Variants in PPM1L observed in about 807,000 individuals in gnomAD.
PPM1L encodes the protein protein phosphatase 1L.
In PPM1L, 13 loss-of-function variants were observed where a neutral mutation model predicts 31.4. The observed-to-expected ratio is 0.41, with a 90% CI of 0.27 to 0.66. The LOEUF (loss-of-function observed/expected upper bound fraction) is 0.66. Among genes scored for constraint, PPM1L ranks in the 30% least tolerant of loss-of-function variants. The pLI is 0.29. For missense variants in PPM1L, 326 were observed against 453.7 expected (o/e 0.72, Z 2.56); for synonymous variants, 184 against 175.4 (o/e 1.05, Z -0.39).
At chr3:160,935,708 C>T (rs1232223381) in intron 1 of PPM1L, among the ~76,000 whole-genome samples, 1 of 152,220 alleles carries the variant, frequency 6.6e-6, no homozygotes, top group Admixed American at 6.5e-5. Context: ...TTCATTGAGT[C>T]AGCTAGGTCA....
chr3:160,781,700 T>A (rs1711752325), intron 1 of PPM1L, among the ~76,000 whole-genome samples: 1 of 152,188 alleles, frequency 6.6e-6, no homozygotes, highest in Non-Finnish European at 1.5e-5. Flanking sequence ...TTTACCCTGC[T>A]TTTGTCTGCG....
At position 161,078,338 on chromosome 3, in the gene PPM1L, T is replaced by C. The variant is rs2108121834; in HGVS notation, c.*9181T>C. On this transcript the variant is annotated 3_prime_UTR_variant, in exon 4 of 4. Transcript: ENST00000498165. ...TGTATAAGCTTTTATTTATACCTAT[T>C]TCAACATCATGAAAATTTTTCCATC... 1 of 152,338 alleles carries C rather than the reference T, an allele frequency of 6.6e-6. No homozygotes were observed. Among genetic ancestry groups the C allele is most frequent in the Non-Finnish European group, 1.5e-5 (1 of 68,036 alleles). 9.4% of individuals were successfully genotyped at this position (152,338 alleles called of 1,614,324 possible).
At chr3:161,014,999 A>G (rs1459116595) in intron 2 of PPM1L, among the ~76,000 whole-genome samples, 1 of 151,962 alleles carries the variant, frequency 6.6e-6, no homozygotes, top group African/African-American at 2.4e-5. Flanking sequence ...AATCTTTGCT[A>G]TTAAATGGGA....
At chr3:160,877,596 G>A (rs1408680992) in intron 1 of PPM1L, among the ~76,000 whole-genome samples, 1 of 152,164 alleles carries the variant, frequency 6.6e-6, no homozygotes, top group Non-Finnish European at 1.5e-5. Context: ...AGGAGCATAG[G>A]TTTAATAGGC....
Position 160,950,228 on chromosome 3 carries a change from C to T in PPM1L, c.400-11508C>T, listed in dbSNP as rs190773344. Among the ~76,000 whole-genome samples the T allele has an allele frequency of 2.7e-3, 404 of 152,248 alleles. 1 individual carries two copies. The highest frequency in any genetic ancestry group is 8.4e-3 in the African/African-American group (347 of 41,548). ...TGTAGGTAAAAATCTGATCAACTTG[C>T]TCACACTAAGACTGAATATTTACTT... is the stretch of plus-strand genomic sequence containing the variant. On this transcript the variant is annotated intron_variant, in intron 1 of 3. Coordinates refer to ENST00000498165, the MANE Select transcript of PPM1L (RefSeq NM_139245.4).
chr3:161,009,951 G>A (rs1717835668), intron 2 of PPM1L, among the ~76,000 whole-genome samples: 1 of 152,128 alleles, frequency 6.6e-6, no homozygotes, highest in Admixed American at 6.5e-5. Flanking sequence ...AATGGAAGTA[G>A]TTGTTTCAAC....
chr3:160,945,970 T>C (rs147347447), intron 1 of PPM1L, among the ~76,000 whole-genome samples: 1 of 152,320 alleles, frequency 6.6e-6, no homozygotes, highest in East Asian at 1.9e-4. Flanking sequence ...CAACTATTTA[T>C]GTTATTGGTA....
intron 1 of PPM1L, among the ~76,000 whole-genome samples, chr3:160,868,204 T>C (rs1421982248): frequency 6.6e-6 from 1 of 152,222 alleles, no homozygotes; most frequent in Non-Finnish European, 1.5e-5. Flanking sequence ...GTAAGAGAGC[T>C]GTTTTTCTGT....
In PPM1L at chr3:161,056,995, G is replaced by A. The variant is rs529092455; in HGVS notation, c.575-8408G>A. Among the ~76,000 whole-genome samples, 5 of 152,060 alleles carry A rather than the reference G, an allele frequency of 3.3e-5. No individual in the cohort carries two copies. The South Asian group carries it at 6.2e-4, about 19-fold the overall frequency. ...GGAGAATCACTTGAACCTAGGAGGC[G>A]GAGGTTGCAGTGAGCCGAGATCGCG... On this transcript the variant is annotated intron_variant, in intron 2 of 3. Coordinates refer to ENST00000498165, the MANE Select transcript of PPM1L (RefSeq NM_139245.4).
chr3:160,757,414 G>A (rs1311132729), intron 1 of PPM1L, among the ~76,000 whole-genome samples: 1 of 152,266 alleles, frequency 6.6e-6, no homozygotes, highest in Non-Finnish European at 1.5e-5. Flanking sequence ...CCTCACCCTT[G>A]CGCCCTGGCG....
intron 1 of PPM1L, among the ~76,000 whole-genome samples, chr3:160,821,769 T>A (rs1713209163): frequency 6.6e-6 from 1 of 152,030 alleles, no homozygotes; most frequent in Non-Finnish European, 1.5e-5. Flanking sequence ...CTTCTTTATC[T>A]TTAATCCCAT....
chr3:160,962,679 A>T (rs1432199809), intron 2 of PPM1L, among the ~76,000 whole-genome samples: 7 of 152,020 alleles, frequency 4.6e-5, no homozygotes. Context: ...AATGCCAAGA[A>T]CTTCTGCTTC....
intron 1 of PPM1L, among the ~76,000 whole-genome samples, chr3:160,943,298 T>C (rs1408958296): frequency 6.6e-6 from 1 of 152,226 alleles, no homozygotes; most frequent in Non-Finnish European, 1.5e-5. Context: ...TGCATTCTTT[T>C]TGAAAAACTT....
chr3:160,933,321 C>G (rs1444039711), intron 1 of PPM1L, among the ~76,000 whole-genome samples: 2 of 151,754 alleles, frequency 1.3e-5, no homozygotes, highest in East Asian at 3.9e-4. Flanking sequence ...TTATATCTAC[C>G]TATTTCTAGA....
chr3:160,810,212 TAGTAGGTC>T (rs1712767171), intron 1 of PPM1L, among the ~76,000 whole-genome samples: 1 of 151,986 alleles, frequency 6.6e-6, no homozygotes, highest in Non-Finnish European at 1.5e-5. Context: ...TAATGTGTGT[TAGTAGGTC>T]TTGGGCCAGG....
At chr3:160,950,574 C>T (rs1043426905) in intron 1 of PPM1L, among the ~76,000 whole-genome samples, 3 of 152,152 alleles carry the variant, frequency 2.0e-5, no homozygotes, top group African/African-American at 4.8e-5. Flanking sequence ...TCCCTGCCAC[C>T]CTGGCCACAC....
chr3:160,980,692 GAGAGAA>G (rs796817330), intron 2 of PPM1L, among the ~76,000 whole-genome samples: 2 of 85,496 alleles, frequency 2.3e-5, no homozygotes, highest in African/African-American at 1.0e-4. Context: ...AAGAAGGAAA[GAGAGAA>G]AGAGAGAGAA....
chr3:160,932,201 C>T (rs971802711), intron 1 of PPM1L, among the ~76,000 whole-genome samples: 2 of 152,120 alleles, frequency 1.3e-5, no homozygotes, highest in East Asian at 3.9e-4. Context: ...TTTGACTTGA[C>T]TGAAATAGGA....
At chr3:161,012,350 G>T (rs1717924357) in intron 2 of PPM1L, among the ~76,000 whole-genome samples, 1 of 152,134 alleles carries the variant, frequency 6.6e-6, no homozygotes, top group South Asian at 2.1e-4. Context: ...AACCAGCCTT[G>T]CATCCCAGGG....
Sources: allele counts gnomAD v4.1 joint callset (sites outside exome capture counted in the v4.1 genomes callset), GRCh38; gene constraint gnomAD v4.1.1; transcripts MANE v1.5; gene names NCBI Gene and HGNC (gene_info 2026-07-23, HGNC 2026-07-21).